INPP4B: variants seen among roughly 807,000 people sequenced by gnomAD.
The protein encoded by INPP4B is inositol polyphosphate 4-phosphatase type II.
Under a neutral mutation model 122.5 loss-of-function variants are expected in INPP4B, and 55 were observed. That is an observed-to-expected ratio of 0.45 (90% CI 0.36 to 0.56). The LOEUF is 0.56. INPP4B is among the 20% of genes least tolerant of loss of function. The probability of loss-of-function intolerance (pLI) is 0.00; values close to 1 mark genes in which losing one functional copy is unlikely to be tolerated. For synonymous variants in INPP4B, 403 were observed against 388.7 expected (o/e 1.04, Z -0.43); for missense variants, 1,000 against 1,097.7 (o/e 0.91, Z 1.26).
chr4:142,443,466 G>C (rs1812259312), intron 3 of INPP4B, among the ~76,000 whole-genome samples: 1 of 152,158 alleles, frequency 6.6e-6, no homozygotes, highest in Non-Finnish European at 1.5e-5. Flanking sequence ...GGGAGGAGCA[G>C]TAAATCTTCC....
At chr4:142,562,160 T>C (rs146274220) in intron 2 of INPP4B, among the ~76,000 whole-genome samples, 164 of 152,288 alleles carry the variant, frequency 1.1e-3, no homozygotes, top group African/African-American at 3.6e-3. Flanking sequence ...CACTACATCA[T>C]TTTGCTTTAA....
chr4:142,838,734 T>G (rs899455672), intron 1 of INPP4B, among the ~76,000 whole-genome samples: 1 of 152,208 alleles, frequency 6.6e-6, no homozygotes, highest in Non-Finnish European at 1.5e-5. Context: ...GTCACAAAGA[T>G]TCATACATAG....
At chr4:142,277,101 T>C (rs1049179234) in intron 9 of INPP4B, among the ~76,000 whole-genome samples, 3 of 151,994 alleles carry the variant, frequency 2.0e-5, no homozygotes, top group Non-Finnish European at 4.4e-5. Context: ...CATTTTTTTA[T>C]ATGTTTGTTA....
At chr4:142,483,503 G>T (rs1261495224) in intron 2 of INPP4B, among the ~76,000 whole-genome samples, 1 of 152,002 alleles carries the variant, frequency 6.6e-6, no homozygotes, top group Non-Finnish European at 1.5e-5. Context: ...TTGCATCATA[G>T]TTTCTCTAGG....
At position 142,565,373 on chromosome 4, in the gene INPP4B, A is replaced by C. The variant is rs573427878; in HGVS notation, c.-190-102647T>G. Among the ~76,000 whole-genome samples the C allele has an allele frequency of 7.9e-5, 12 of 152,350 alleles. 1 individual carries two copies. The East Asian group carries it at 2.3e-3, about 29-fold the overall frequency. On this transcript the variant is annotated intron_variant, in intron 2 of 25. Transcript: ENST00000262992. Reference sequence around the variant, plus strand: ...TGATTGGTGATCCTAAAGGTCAAATACAGAAACACTGAATAACAAAATAAA... The same window carrying C: ...TGATTGGTGATCCTAAAGGTCAAATCCAGAAACACTGAATAACAAAATAAA...
In INPP4B at chr4:142,099,185, G is replaced by T. The variant is rs336307; in HGVS notation, c.2374+8908C>A. ...CTGGAATGAGTTTAGGTGAAAAAAT[G>T]GGTGGTGAAAAATTTTAATTCCACT... On this transcript the variant is annotated intron_variant, in intron 23 of 25. Transcript: ENST00000262992. Among the ~76,000 whole-genome samples, 5 of 151,972 alleles carry T rather than the reference G, an allele frequency of 3.3e-5. No individual in the cohort carries two copies. In the East Asian group the frequency reaches 9.7e-4, roughly 30 times the overall value.
chr4:142,729,238 C>G (rs1004051764), intron 1 of INPP4B, among the ~76,000 whole-genome samples: 1 of 152,142 alleles, frequency 6.6e-6, no homozygotes, highest in East Asian at 1.9e-4. Context: ...ACTGTGTGGC[C>G]CGGTTTCTAA....
intron 1 of INPP4B, among the ~76,000 whole-genome samples, chr4:142,726,178 A>T (rs1006140204): frequency 1.3e-5 from 2 of 152,212 alleles, no homozygotes; most frequent in African/African-American, 4.8e-5. Context: ...CATGTGAACA[A>T]AACTGGCACT....
At chr4:142,481,133 C>CAAA (rs551228788) in intron 2 of INPP4B, among the ~76,000 whole-genome samples, 45 of 57,496 alleles carry the variant, frequency 7.8e-4, no homozygotes, top group East Asian at 1.1e-3. Flanking sequence ...GACTCTGTCT[C>CAAA]AAAAAAAAAA....
At chr4:142,042,101 C>T (rs1377372737) in intron 25 of INPP4B, among the ~76,000 whole-genome samples, 1 of 152,178 alleles carries the variant, frequency 6.6e-6, no homozygotes, top group African/African-American at 2.4e-5. Context: ...TCCACTACTG[C>T]CTGTCATCTA....
chr4:142,189,876 G>A (rs1834957155), intron 15 of INPP4B, among the ~76,000 whole-genome samples: 2 of 152,070 alleles, frequency 1.3e-5, no homozygotes, highest in African/African-American at 4.8e-5. Flanking sequence ...CAAGAGTAAG[G>A]TACTCAGAAA....
chr4:142,138,888 A>G (rs750927880), intron 18 of INPP4B, among the ~76,000 whole-genome samples: 1 of 152,154 alleles, frequency 6.6e-6, no homozygotes, highest in Non-Finnish European at 1.5e-5. Flanking sequence ...TACTTCTGAC[A>G]CCTCATCTGA....
Position 142,192,070 on chromosome 4 carries a change from A to G in INPP4B, c.1181+1017T>C, listed in dbSNP as rs151105551. ...GTTTTGGCACTCAAACAGGTTTTCT[A>G]ATACTATTACTAAATCAACTGTGAC... On this transcript the variant is annotated intron_variant, in intron 15 of 25. Coordinates refer to ENST00000262992, the MANE Select transcript of INPP4B (RefSeq NM_001101669.3). Among the ~76,000 whole-genome samples, 840 of 152,074 alleles carry G rather than the reference A, an allele frequency of 5.5e-3. 2 individuals are homozygous for G. Among genetic ancestry groups the G allele is most frequent in the Non-Finnish European group, 9.1e-3 (619 of 67,960 alleles).
intron 9 of INPP4B, among the ~76,000 whole-genome samples, chr4:142,290,996 C>A (rs1344575061): frequency 6.6e-6 from 1 of 152,046 alleles, no homozygotes; most frequent in Admixed American, 6.6e-5. Flanking sequence ...CTCAAATCAG[C>A]CTTATGAGAT....
At chr4:142,351,264 T>A (rs1472755169) in intron 7 of INPP4B, among the ~76,000 whole-genome samples, 4 of 152,000 alleles carry the variant, frequency 2.6e-5, no homozygotes, top group African/African-American at 7.2e-5. Flanking sequence ...TAAGTTTTAA[T>A]AACTCCAAAG....
chr4:142,808,803 G>A (rs995397411), intron 1 of INPP4B, among the ~76,000 whole-genome samples: 1 of 151,858 alleles, frequency 6.6e-6, no homozygotes, highest in Non-Finnish European at 1.5e-5. Context: ...ACTTATTATA[G>A]TAAAGATTTT....
intron 8 of INPP4B, among the ~76,000 whole-genome samples, chr4:142,309,311 AT>A (rs1764549084): frequency 1.3e-5 from 2 of 152,190 alleles, no homozygotes; most frequent in African/African-American, 4.8e-5. Flanking sequence ...TTAAAAATAA[AT>A]ATGAGATTTG....
intron 2 of INPP4B, chr4:142,565,967 C>T (rs536384974): frequency 4.6e-5 from 7 of 152,230 alleles, no homozygotes; most frequent in Admixed American, 2.0e-4. Context: ...GACACACCAA[C>T]GTACGTACAC....
At chr4:142,142,975 G>C (rs997210412) in intron 18 of INPP4B, among the ~76,000 whole-genome samples, 33 of 152,040 alleles carry the variant, frequency 2.2e-4, no homozygotes, top group African/African-American at 6.0e-4. Context: ...ATAAAGACAG[G>C]GCAGACCTAT....
Sources: allele counts gnomAD v4.1 joint callset (sites outside exome capture counted in the v4.1 genomes callset), GRCh38; gene constraint gnomAD v4.1.1; transcripts MANE v1.5; gene names NCBI Gene and HGNC (gene_info 2026-07-23, HGNC 2026-07-21).